JAZF1: variants seen among roughly 807,000 people sequenced by gnomAD.
JAZF1 encodes juxtaposed with another zinc finger protein 1.
A neutral mutation model predicts 26.4 loss-of-function variants in JAZF1; 8 were observed. That is an observed-to-expected ratio of 0.30 (90% confidence interval 0.18 to 0.55). The LOEUF (loss-of-function observed/expected upper bound fraction) is 0.55, where lower values mean the gene tolerates loss of function less well. Among genes scored for constraint, JAZF1 ranks in the 20% least tolerant of loss-of-function variants. The pLI, the probability that JAZF1 is intolerant of heterozygous loss-of-function variation, is 0.94. For missense variants in JAZF1, 199 were observed against 322.0 expected, an observed-to-expected ratio of 0.62 and a Z score of 2.92; for synonymous variants, 126 against 122.3, an observed-to-expected ratio of 1.03 and a Z score of -0.20.
chr7:28,122,789 A>T (rs1006010553), intron 1 of JAZF1, among the ~76,000 whole-genome samples: 3 of 152,158 alleles, frequency 2.0e-5, no homozygotes, highest in African/African-American at 7.2e-5. Flanking sequence ...CCATAGTTAT[A>T]GGGAGATACA....
intron 3 of JAZF1, chr7:27,842,107 C>A (rs7780044): frequency 0.4 from 60,096 of 151,768 alleles, 12,438 homozygotes; most frequent in East Asian, 0.65. Flanking sequence ...GAGCCAGTTG[C>A]GCCAGGAACA....
intron 1 of JAZF1, among the ~76,000 whole-genome samples, chr7:28,122,248 T>C (rs534073469): frequency 6.6e-6 from 1 of 152,292 alleles, no homozygotes; most frequent in African/African-American, 2.4e-5. Context: ...CAGGGAGTCT[T>C]CTCTAATGCG....
At chr7:28,080,440 T>C (rs569425389) in intron 1 of JAZF1, among the ~76,000 whole-genome samples, 1 of 152,340 alleles carries the variant, frequency 6.6e-6, no homozygotes, top group South Asian at 2.1e-4. Context: ...CTCAAGAACT[T>C]TTTCCTTGCA....
chr7:27,901,665 T>C (rs1431344689), intron 2 of JAZF1, among the ~76,000 whole-genome samples: 1 of 152,176 alleles, frequency 6.6e-6, no homozygotes, highest in Non-Finnish European at 1.5e-5. Flanking sequence ...GCTGTGATTA[T>C]GAGACTCTGG....
chr7:28,067,282 G>A (rs1345121816), intron 1 of JAZF1, among the ~76,000 whole-genome samples: 1 of 152,212 alleles, frequency 6.6e-6, no homozygotes, highest in African/African-American at 2.4e-5. Flanking sequence ...GAGGGGGTAA[G>A]ATCCCAGAGA....
intron 1 of JAZF1, among the ~76,000 whole-genome samples, chr7:28,138,295 A>G (rs1583580512): frequency 6.6e-6 from 1 of 152,252 alleles, no homozygotes; most frequent in East Asian, 1.9e-4. Flanking sequence ...ACAGGCACAG[A>G]GAACAAGTTA....
At chr7:28,005,965 T>G (rs540146902) in intron 1 of JAZF1, among the ~76,000 whole-genome samples, 5 of 152,166 alleles carry the variant, frequency 3.3e-5, no homozygotes, top group Non-Finnish European at 7.4e-5. Flanking sequence ...CTGTGTGACT[T>G]GAGCAAGTTT....
chr7:27,977,110 A>C (rs1028263081), intron 2 of JAZF1, among the ~76,000 whole-genome samples: 2 of 152,202 alleles, frequency 1.3e-5, no homozygotes, highest in African/African-American at 4.8e-5. Flanking sequence ...TATCTCAGGA[A>C]AGATCTCTAT....
chr7:27,956,356 G>A (rs995141242), intron 2 of JAZF1, among the ~76,000 whole-genome samples: 8 of 152,126 alleles, frequency 5.3e-5, no homozygotes, highest in African/African-American at 1.7e-4. Flanking sequence ...GATTCTGCCA[G>A]GTGACCAAAG....
chr7:28,001,338 T>A (rs1339758343), intron 1 of JAZF1, among the ~76,000 whole-genome samples: 1 of 150,888 alleles, frequency 6.6e-6, no homozygotes, highest in Non-Finnish European at 1.5e-5. Flanking sequence ...GGTGACAGAG[T>A]GAGACCCTGT....
intron 2 of JAZF1, among the ~76,000 whole-genome samples, chr7:27,980,304 T>C (rs1785555570): frequency 6.6e-6 from 1 of 152,194 alleles, no homozygotes; most frequent in African/African-American, 2.4e-5. Context: ...TTGCAGCAGA[T>C]TGGACGCAAA....
chr7:28,150,563 G>A (rs1280494107), intron 1 of JAZF1, among the ~76,000 whole-genome samples: 1 of 152,178 alleles, frequency 6.6e-6, no homozygotes, highest in African/African-American at 2.4e-5. Flanking sequence ...CTCATTGCAT[G>A]AGGACCGGTG....
chr7:28,003,613 A>G (rs1408128815), intron 1 of JAZF1, among the ~76,000 whole-genome samples: 1 of 152,242 alleles, frequency 6.6e-6, no homozygotes, highest in Non-Finnish European at 1.5e-5. Context: ...ACACTGACAT[A>G]GGAGTGGGGC....
intron 1 of JAZF1, among the ~76,000 whole-genome samples, chr7:28,085,719 T>C (rs1784202667): frequency 6.6e-6 from 1 of 152,212 alleles, no homozygotes; most frequent in South Asian, 2.1e-4. Flanking sequence ...TAGCCATTAA[T>C]CACAGAGCCA....
At chr7:28,142,123 T>C (rs534008221) in intron 1 of JAZF1, among the ~76,000 whole-genome samples, 1 of 152,342 alleles carries the variant, frequency 6.6e-6, no homozygotes, top group African/African-American at 2.4e-5. Flanking sequence ...TTCTTAATGA[T>C]GTTCAAGCAT....
chr7:28,056,510 T>C (rs1783714219), intron 1 of JAZF1, among the ~76,000 whole-genome samples: 1 of 151,920 alleles, frequency 6.6e-6, no homozygotes, highest in South Asian at 2.1e-4. Context: ...GGACTGAATG[T>C]ATTATCTGAG....
chr7:27,978,958 G>C (rs763780464), intron 2 of JAZF1, among the ~76,000 whole-genome samples: 1 of 151,952 alleles, frequency 6.6e-6, no homozygotes, highest in Non-Finnish European at 1.5e-5. Context: ...GTGAGTGCAT[G>C]TGAAACTGGT....
intron 1 of JAZF1, among the ~76,000 whole-genome samples, chr7:28,005,414 T>TAA (rs764502404): frequency 7.2e-6 from 1 of 137,940 alleles, no homozygotes; most frequent in Non-Finnish European, 1.6e-5. Context: ...AATCATTGCT[T>TAA]AAAAAAAAAA....
At chr7:28,135,446 C>A (rs1315244098) in intron 1 of JAZF1, among the ~76,000 whole-genome samples, 1 of 152,184 alleles carries the variant, frequency 6.6e-6, no homozygotes, top group East Asian at 1.9e-4. Flanking sequence ...CTTATAAGAA[C>A]AAACAGCACC....
Sources: allele counts gnomAD v4.1 joint callset (sites outside exome capture counted in the v4.1 genomes callset), GRCh38; gene constraint gnomAD v4.1.1; transcripts MANE v1.5; gene names NCBI Gene and HGNC (gene_info 2026-07-23, HGNC 2026-07-21).